The following CMKLR1 variants were observed in gnomAD, a reference collection of about 807,000 sequenced individuals.
CMKLR1 encodes chemerin chemokine-like receptor 1.
Under a neutral mutation model 8.2 loss-of-function variants are expected in CMKLR1, and 6 were observed. The observed-to-expected ratio is 0.73, with a 90% CI of 0.40 to 1.44. The LOEUF (loss-of-function observed/expected upper bound fraction) is 1.44. Among genes scored for constraint, CMKLR1 ranks in the 40% most tolerant of loss-of-function variants. The pLI, the probability that CMKLR1 is intolerant of heterozygous loss-of-function variation, is 0.02. For synonymous variants in CMKLR1, 178 were observed against 181.2 expected, an observed-to-expected ratio of 0.98 and a Z score of 0.14; for missense variants, 429 against 478.0, an observed-to-expected ratio of 0.90 and a Z score of 0.96.
intron 2 of CMKLR1, among the ~76,000 whole-genome samples, chr12:108,315,397 C>A (rs2137323824): frequency 6.6e-6 from 1 of 152,330 alleles, no homozygotes; most frequent in South Asian, 2.1e-4. Flanking sequence ...TGCTTCTTGT[C>A]ATGTTCCTTT....
At chr12:108,312,485 C>T (rs928274688) in intron 2 of CMKLR1, among the ~76,000 whole-genome samples, 1 of 152,218 alleles carries the variant, frequency 6.6e-6, no homozygotes, top group African/African-American at 2.4e-5. Context: ...GGAACCAAAA[C>T]TGAGAGTCTG....
At chr12:108,303,527 GC>G (rs1240435715) in intron 2 of CMKLR1, among the ~76,000 whole-genome samples, 44 of 152,350 alleles carry the variant, frequency 2.9e-4, no homozygotes, top group African/African-American at 8.7e-4. Flanking sequence ...CACACAGAGA[GC>G]TCAGGTAAGT....
chr12:108,324,510 G>A (rs1037040547), intron 2 of CMKLR1, among the ~76,000 whole-genome samples: 1 of 152,072 alleles, frequency 6.6e-6, no homozygotes, highest in African/African-American at 2.4e-5. Flanking sequence ...AGCAAGCCAC[G>A]CAGACGGGAA....
chr12:108,305,310 C>A (rs1039921468), intron 2 of CMKLR1, among the ~76,000 whole-genome samples: 2 of 152,164 alleles, frequency 1.3e-5, no homozygotes, highest in African/African-American at 4.8e-5. Flanking sequence ...AGTCCAGATT[C>A]ACACAGCCTT....
At chr12:108,301,943 A>T (rs1293808129) in intron 2 of CMKLR1, among the ~76,000 whole-genome samples, 1 of 152,194 alleles carries the variant, frequency 6.6e-6, no homozygotes, top group Non-Finnish European at 1.5e-5. Context: ...TCACACAGAC[A>T]CACACATCAG....
At chr12:108,319,724 T>C (rs1333931974) in intron 2 of CMKLR1, among the ~76,000 whole-genome samples, 2 of 152,222 alleles carry the variant, frequency 1.3e-5, no homozygotes, top group South Asian at 2.1e-4. Flanking sequence ...AGTATAATTA[T>C]GAATCTTACC....
intron 2 of CMKLR1, among the ~76,000 whole-genome samples, chr12:108,307,339 C>T (rs1048069404): frequency 6.6e-6 from 1 of 151,944 alleles, no homozygotes; most frequent in Non-Finnish European, 1.5e-5. Context: ...CTCTGGGAGG[C>T]AGCGGAGGCC....
Position 108,291,701 on chromosome 12 carries a change from A to C in CMKLR1, c.*140T>G, listed in dbSNP as rs1890970653. ...AAGGGGTTCCAGGCCCTAGATTCCC[A>C]GCATAAAACACTGTTCATCCCATGC... On this transcript the variant is annotated 3_prime_UTR_variant, in exon 4 of 4. Coordinates refer to ENST00000550402, the MANE Select transcript of CMKLR1 (RefSeq NM_001142343.2). 5 of 847,616 alleles carry C rather than the reference A, an allele frequency of 5.9e-6. No homozygotes were observed. Among genetic ancestry groups the C allele is most frequent in the Non-Finnish European group, 9.4e-6 (5 of 532,264 alleles). 52.5% of individuals were successfully genotyped at this position (847,616 alleles called of 1,614,324 possible).
chr12:108,308,863 C>G (rs957061340), intron 2 of CMKLR1, among the ~76,000 whole-genome samples: 2 of 152,206 alleles, frequency 1.3e-5, no homozygotes, highest in African/African-American at 4.8e-5. Context: ...AGGCCTGGAT[C>G]TGAGTACTGG....
rs1191252638 is a variant in CMKLR1, at chr12:108,330,111, G to A, written c.-190C>T. ...TAGAAGTGATGCTGTGCTAGTCCCA[G>A]CCTAGATCTCTAGATGCCATCAGCT... is the stretch of plus-strand genomic sequence containing the variant. On this transcript the variant is annotated 5_prime_UTR_variant, in exon 2 of 4. Transcript: ENST00000550402. 2 of 152,172 alleles carry A rather than the reference G, an allele frequency of 1.3e-5. No individual in the cohort carries two copies. Among genetic ancestry groups the A allele is most frequent in the Non-Finnish European group, 2.9e-5 (2 of 68,048 alleles). The allele number at this position is 152,172 out of a possible 1,614,324, so 9.4% of individuals were successfully genotyped here.
chr12:108,329,648 G>A (rs1892058086), intron 2 of CMKLR1, among the ~76,000 whole-genome samples: 1 of 152,080 alleles, frequency 6.6e-6, no homozygotes, highest in Non-Finnish European at 1.5e-5. Flanking sequence ...ACTGTGACCT[G>A]TGAGCAAAAT....
chr12:108,312,295 T>C (rs1891603844), intron 2 of CMKLR1, among the ~76,000 whole-genome samples: 1 of 152,210 alleles, frequency 6.6e-6, no homozygotes, highest in Non-Finnish European at 1.5e-5. Context: ...TCACAGCATT[T>C]CCAAGCATCG....
chr12:108,320,345 G>A (rs1251066512), intron 2 of CMKLR1, among the ~76,000 whole-genome samples: 4 of 152,142 alleles, frequency 2.6e-5, no homozygotes, highest in Non-Finnish European at 5.9e-5. Context: ...GAAGCCCTGA[G>A]CTTCCCTCCC....
chr12:108,292,988 G>T (rs551039443), intron 3 of CMKLR1, 29 bp from the exon 4 acceptor site: 84 of 1,571,824 alleles, frequency 5.3e-5, no homozygotes, highest in Admixed American at 1.2e-4. Flanking sequence ...ACCATTAGAG[G>T]AACCCTAGAG....
At chr12:108,310,773 T>C (rs963367213) in intron 2 of CMKLR1, among the ~76,000 whole-genome samples, 2 of 152,112 alleles carry the variant, frequency 1.3e-5, no homozygotes, top group Non-Finnish European at 2.9e-5. Flanking sequence ...AGATAAGCTA[T>C]GGTTGCCATG....
intron 2 of CMKLR1, among the ~76,000 whole-genome samples, chr12:108,311,397 T>C (rs1355125520): frequency 6.6e-6 from 1 of 152,130 alleles, no homozygotes; most frequent in East Asian, 1.9e-4. Flanking sequence ...GGAGGGTCAC[T>C]TATAGCCAGG....
rs751960797 is a variant in CMKLR1 at position 108,292,331 on chromosome 12, G to C, written c.632C>G (p.Pro211Arg). ...CACCATGTGCCGGCTATACCCCACA[G>C]GGTCCATTTGGGAGTGAGTGGGCCA... ...SSWPTHSQMD[P>R]VGYSRHMVVT... The change falls in exon 4 of 4, where the codon CCT becomes CGT. Residue 211 changes from proline to arginine, a missense_variant. Physicochemically the swap from Pro to Arg is moderately radical, Grantham distance 103. Coordinates refer to ENST00000550402, the MANE Select transcript of CMKLR1 (RefSeq NM_001142343.2). 24 of 1,614,018 alleles carry C rather than the reference G, an allele frequency of 1.5e-5. No homozygotes were observed. The highest frequency in any genetic ancestry group is 2.0e-5 in the Non-Finnish European group (24 of 1,180,036).
chr12:108,292,678 A>G lies in CMKLR1; in HGVS notation c.285T>C (p.His95=). 1.9e-6 allele frequency: 3 copies of G among 1,614,162 alleles called. No individual in the cohort carries two copies. Among genetic ancestry groups the G allele is most frequent in the Non-Finnish European group, 2.5e-6 (3 of 1,180,026 alleles). ...DFLFNVFLPI[H]ITYAAMDYHW... ...GGTAGTCCATGGCGGCATAGGTGATATGGATTGGGAGGAAGACGTTGAACA... is the reference window on the plus strand; with the variant it reads ...GGTAGTCCATGGCGGCATAGGTGATGTGGATTGGGAGGAAGACGTTGAACA... The change falls in exon 4 of 4, where the codon CAT becomes CAC. Residue 95 remains histidine, a synonymous_variant. Coordinates refer to ENST00000550402, the MANE Select transcript of CMKLR1 (RefSeq NM_001142343.2).
chr12:108,308,942 T>A (rs971298423), intron 2 of CMKLR1, among the ~76,000 whole-genome samples: 1 of 152,178 alleles, frequency 6.6e-6, no homozygotes, highest in Non-Finnish European at 1.5e-5. Flanking sequence ...GGGTGACAGA[T>A]GCTAAACAGT....
Sources: gnomAD v4.1 joint callset for allele counts (sites outside exome capture counted in the v4.1 genomes callset) on GRCh38, gnomAD v4.1.1 for gene constraint, MANE v1.5 for transcripts, NCBI Gene and HGNC (gene_info 2026-07-23, HGNC 2026-07-21) for gene names.